TRIM66: variants seen among roughly 807,000 people sequenced by gnomAD.
TRIM66 encodes tripartite motif containing 66, also known as tripartite motif-containing protein 66.
TRIM66 carries 99 observed loss-of-function variants against 148.2 expected under a neutral mutation model. The observed-to-expected ratio is 0.67, with a 90% CI of 0.57 to 0.79. TRIM66 has a LOEUF of 0.79. Ranked by LOEUF, TRIM66 falls within the 30% of genes least tolerant of loss-of-function variation. The pLI, the probability that TRIM66 is intolerant of heterozygous loss-of-function variation, is 0.00. For missense variants in TRIM66, 1,666 were observed against 1,697.9 expected (o/e 0.98, Z 0.33); for synonymous variants, 616 against 635.9 (o/e 0.97, Z 0.47).
At chr11:8,674,774 T>C (rs887252052) in intron 4 of TRIM66, 32 bp downstream of exon 4, 1 of 152,230 alleles carries the variant, frequency 6.6e-6, no homozygotes, top group Non-Finnish European at 1.5e-5. Flanking sequence ...CTTTAACATC[T>C]GGCTTAATAA....
At chr11:8,673,443 G>A (rs2039038318) in intron 4 of TRIM66, among the ~76,000 whole-genome samples, 1 of 152,198 alleles carries the variant, frequency 6.6e-6, no homozygotes, top group Non-Finnish European at 1.5e-5. Context: ...CTTGTCTCAG[G>A]TTAATGAGCT....
chr11:8,622,225 C>T (rs1012071230), intron 18 of TRIM66, among the ~76,000 whole-genome samples: 4 of 150,570 alleles, frequency 2.7e-5, no homozygotes, highest in Non-Finnish European at 5.9e-5. Context: ...CTCAAGCTTG[C>T]AGACAACCTA....
At chr11:8,650,725 C>T (rs1456450789) in intron 7 of TRIM66, among the ~76,000 whole-genome samples, 1 of 152,058 alleles carries the variant, frequency 6.6e-6, no homozygotes, top group Non-Finnish European at 1.5e-5. Context: ...CTAGGAGTGG[C>T]TAGGAAAGGT....
intron 15 of TRIM66, 100 bp from the exon 16 acceptor site, chr11:8,625,328 C>T: frequency 7.2e-7 from 1 of 1,385,050 alleles, no homozygotes; most frequent in Non-Finnish European, 9.5e-7. Flanking sequence ...GCTCCAATTC[C>T]ACTCTGGCTT....
chr11:8,670,896 T>C (rs1288398622), intron 6 of TRIM66, among the ~76,000 whole-genome samples: 7 of 152,246 alleles, frequency 4.6e-5, no homozygotes, highest in African/African-American at 9.6e-5. Flanking sequence ...CTATAGTTTT[T>C]AAAACTCTAT....
At chr11:8,682,429 T>G in intron 1 of TRIM66, 172 bp downstream of exon 1, 2 of 295,260 alleles carry the variant, frequency 6.8e-6, no homozygotes, top group Non-Finnish European at 6.5e-6. Context: ...GGCTGGCGCA[T>G]TTGGTGAGGA....
Position 8,626,658 on chromosome 11 carries a change from T to C in TRIM66, c.2311-1430A>G, listed in dbSNP as rs372401097. ...ATCTCCCTAGACAACAGTAGTAGCC[T>C]CTTCAATGGAGAAGTATTTTCAAAA... On this transcript the variant is annotated intron_variant, in intron 15 of 24. Transcript: ENST00000646038. Among the ~76,000 whole-genome samples the C allele has an allele frequency of 7.2e-5, 11 of 152,350 alleles. No individual in the cohort carries two copies. In the South Asian group the frequency reaches 2.1e-3, roughly 29 times the overall value.
Position 8,619,460 on chromosome 11 carries a change from G to A in TRIM66, c.3823C>T (p.Pro1275Ser). ...TCCTCTGGGGTGGTATAGTGAGCTG[G>A]GTCCTTCTTTTGCAGCTTCCTCCGG... ...IIRRKLQKKD[P>S]AHYTTPEEVV... is the part of the protein sequence containing the mutation. Residue 1275 changes from proline to serine, a missense_variant, in exon 23 of 25, where the codon CCA (proline) becomes TCA (serine). By Grantham distance (74) the Pro-to-Ser change is moderately conservative. Transcript: ENST00000646038. 6.4e-7 allele frequency: 1 copy of A among 1,551,446 alleles called. No individual in the cohort carries two copies. The highest frequency in any genetic ancestry group is 1.2e-5 in the South Asian group (1 of 84,026).
Position 8,624,476 on chromosome 11 carries a change from T to C in TRIM66, c.2902A>G (p.Lys968Glu). Residue 968 changes from lysine (K) to glutamate (E), a missense_variant, in exon 17 of 25, where the codon AAG becomes GAG. Lys to Glu is a moderately conservative substitution (Grantham distance 56). Transcript: ENST00000646038. ...GPIVPGLDAP[K>E]DLAIPSELEE... is the part of the protein sequence containing the mutation. Reference sequence around the variant, plus strand: ...AGTTCTGAGGGGATGGCCAAGTCCTTGGGAGCATCCAGACCGGGGACTATG... The same window carrying C: ...AGTTCTGAGGGGATGGCCAAGTCCTCGGGAGCATCCAGACCGGGGACTATG... 6.4e-7 allele frequency: 1 copy of C among 1,551,602 alleles called. No individual in the cohort carries two copies. The highest frequency in any genetic ancestry group is 1.2e-5 in the South Asian group (1 of 84,028).
intron 6 of TRIM66, 141 bp downstream of exon 6, chr11:8,671,645 C>A (rs1376305612): frequency 6.6e-6 from 4 of 604,998 alleles, no homozygotes; most frequent in Non-Finnish European, 1.2e-5. Flanking sequence ...CTCACAGATT[C>A]CCCCAAAGAT....
At chr11:8,668,659 C>T (rs1452591381) in intron 6 of TRIM66, among the ~76,000 whole-genome samples, 1 of 151,774 alleles carries the variant, frequency 6.6e-6, no homozygotes, top group East Asian at 1.9e-4. Flanking sequence ...CATCTCGGCT[C>T]ACTGCAATCT....
chr11:8,649,154 C>A (rs1430423723), intron 8 of TRIM66, among the ~76,000 whole-genome samples: 1 of 152,230 alleles, frequency 6.6e-6, no homozygotes. Context: ...GCCTGGCCAA[C>A]ATGGCGAAAC....
At chr11:8,663,529 C>A (rs1044660011) in intron 6 of TRIM66, among the ~76,000 whole-genome samples, 1 of 151,988 alleles carries the variant, frequency 6.6e-6, no homozygotes, top group Non-Finnish European at 1.5e-5. Context: ...CTGTCTCGCT[C>A]TCTCTCTCTT....
chr11:8,621,332 A>T lies in TRIM66; in HGVS notation c.3256-11T>A. ...TCTGTCCTGGCTGACCTTGGGGAAG[A>T]AGTAAGTCTGGGCAGCCAGAGCACA... On this transcript the variant is annotated splice_polypyrimidine_tract_variant and intron_variant, in intron 19 of 24. Transcript: ENST00000646038. 1 of 1,546,618 alleles carries T rather than the reference A, an allele frequency of 6.5e-7. No individual in the cohort carries two copies. The highest frequency in any genetic ancestry group is 1.2e-5 in the South Asian group (1 of 83,552).
chr11:8,655,533 A>C (rs1215184783), intron 6 of TRIM66, among the ~76,000 whole-genome samples: 1 of 152,124 alleles, frequency 6.6e-6, no homozygotes, highest in Non-Finnish European at 1.5e-5. Context: ...CTGTAATCCC[A>C]ACATTTTGGA....
intron 8 of TRIM66, 113 bp downstream of exon 8, chr11:8,649,627 C>T (rs2037176778): frequency 1.4e-6 from 2 of 1,395,930 alleles, no homozygotes; most frequent in Non-Finnish European, 1.9e-6. Flanking sequence ...CTGAGACTGT[C>T]CCTACCTTCT....
rs986985401 is a variant in TRIM66, at chr11:8,682,640, G to C, written c.-587C>G. On this transcript the variant is annotated 5_prime_UTR_variant, in exon 1 of 25. In the 5' UTR this introduces an upstream ATG that the reference lacks. Coordinates refer to ENST00000646038, the MANE Select transcript of TRIM66 (RefSeq NM_001388022.1). The stretch of plus-strand genomic sequence containing the variant: ...GCCACCAGGACACTCCGTGATGGGG[G>C]ATCACCACCCTCAGAAAGAGGAAGC... The C allele has an allele frequency of 7.2e-5, 52 of 723,690 alleles. No homozygotes were observed. The highest frequency in any genetic ancestry group is 2.6e-4 in the Middle Eastern group (1 of 3,856). 44.8% of individuals were successfully genotyped at this position (723,690 alleles called of 1,614,324 possible).
chr11:8,629,260 T>C (rs1293125882), intron 15 of TRIM66, among the ~76,000 whole-genome samples: 1 of 152,258 alleles, frequency 6.6e-6, no homozygotes, highest in East Asian at 1.9e-4. Flanking sequence ...ACCCAGTGAC[T>C]ATTTCATTCC....
intron 6 of TRIM66, among the ~76,000 whole-genome samples, chr11:8,668,264 G>T (rs918837411): frequency 6.9e-6 from 1 of 145,794 alleles, no homozygotes; most frequent in East Asian, 2.0e-4. Flanking sequence ...TTAAAATCAG[G>T]TTTTTTTTTT....
Sources: gnomAD v4.1 joint callset for allele counts (sites outside exome capture counted in the v4.1 genomes callset) on GRCh38, gnomAD v4.1.1 for gene constraint, MANE v1.5 for transcripts, NCBI Gene and HGNC (gene_info 2026-07-23, HGNC 2026-07-21) for gene names.